The following ATP11C variants were observed in gnomAD, a reference collection of about 807,000 sequenced individuals.
ATP11C encodes the protein phospholipid-transporting ATPase IG.
A neutral mutation model predicts 97.4 loss-of-function variants in ATP11C; 36 were observed. The ratio of observed to expected loss-of-function variants is 0.37; its 90% CI spans 0.28 to 0.49. The LOEUF is 0.49. ATP11C is among the 20% of genes least tolerant of loss of function. The pLI is 0.98. For synonymous variants in ATP11C, 275 were observed against 290.9 expected, an observed-to-expected ratio of 0.95 and a Z score of 0.56; for missense variants, 730 against 824.6, an observed-to-expected ratio of 0.89 and a Z score of 1.40.
chrX:139,735,169 C>T (rs956871287), intron 28 of ATP11C, among the ~76,000 whole-genome samples: 1 of 111,741 alleles, frequency 8.9e-6, no homozygotes, highest in Admixed American at 9.5e-5. Context: ...ATAGTGGGCC[C>T]TCAGGCAAGG....
At chrX:139,786,144 C>T (rs2082568593) in intron 15 of ATP11C, among the ~76,000 whole-genome samples, 1 of 111,644 alleles carries the variant, frequency 9.0e-6, no homozygotes, top group Non-Finnish European at 1.9e-5. Context: ...CATGATGAGA[C>T]TGGTCAAATG....
intron 1 of ATP11C, among the ~76,000 whole-genome samples, chrX:139,906,917 C>T (rs2084989560): frequency 1.8e-5 from 2 of 111,443 alleles, no homozygotes; most frequent in African/African-American, 6.5e-5. Flanking sequence ...TGATAAGGTC[C>T]TAGACTCAAG....
intron 1 of ATP11C, among the ~76,000 whole-genome samples, chrX:139,903,360 G>C (rs1479297280): frequency 9.1e-6 from 1 of 109,857 alleles, no homozygotes; most frequent in East Asian, 2.9e-4. Flanking sequence ...TAGGTCTTAA[G>C]AGCCTTCCAT....
intron 1 of ATP11C, among the ~76,000 whole-genome samples, chrX:139,862,339 G>A (rs2084214139): frequency 9.0e-6 from 1 of 111,399 alleles, no homozygotes; most frequent in African/African-American, 3.3e-5. Context: ...GAGGTTCATG[G>A]GAACCTCAAC....
At chrX:139,870,827 C>T (rs1248313480) in intron 1 of ATP11C, among the ~76,000 whole-genome samples, 1 of 111,394 alleles carries the variant, frequency 9.0e-6, no homozygotes, top group Non-Finnish European at 1.9e-5. Flanking sequence ...GAGGCCGAGG[C>T]GGGTGGATCA....
chrX:139,768,449 C>G lies in ATP11C; in HGVS notation c.2217-15G>C, dbSNP rs759560122. The G allele has an allele frequency of 9.6e-7, 1 of 1,037,674 alleles. No individual in the cohort carries two copies. The allele number at this position is 1,037,674 out of a possible 1,213,427, so 85.5% of individuals were successfully genotyped here. The stretch of plus-strand genomic sequence containing the variant: ...CTGTCCATGCTCTGAAAAAGAGAAA[C>G]AATGCTATGTTTGGATTTATTACAG... On this transcript the variant is annotated splice_polypyrimidine_tract_variant and intron_variant, in intron 19 of 29. Transcript: ENST00000682941.
chrX:139,912,554 C>T (rs899382302), intron 1 of ATP11C, among the ~76,000 whole-genome samples: 1 of 111,189 alleles, frequency 9.0e-6, no homozygotes, highest in African/African-American at 3.3e-5. Context: ...GGCTACACTG[C>T]TCATTAGTAG....
At chrX:139,901,821 G>T (rs774324169) in intron 1 of ATP11C, among the ~76,000 whole-genome samples, 1 of 111,103 alleles carries the variant, frequency 9.0e-6, no homozygotes, top group Non-Finnish European at 1.9e-5. Context: ...TCTAAAACGG[G>T]GAGATAAAAG....
intron 28 of ATP11C, among the ~76,000 whole-genome samples, 195 bp from the exon 29 acceptor site, chrX:139,731,950 C>T (rs113652727): frequency 3.6e-5 from 4 of 111,665 alleles, no homozygotes; most frequent in African/African-American, 1.3e-4. Context: ...AAGAAAGTCT[C>T]CAACTCGAAT....
rs778785578 is a variant in ATP11C at position 139,761,916 on chromosome X, T to C, written c.2640+45A>G. 15 of 983,448 alleles carry C rather than the reference T, an allele frequency of 1.5e-5. No homozygotes were observed. In the South Asian group the frequency reaches 2.8e-4, roughly 19 times the overall value. The allele number at this position is 983,448 out of a possible 1,213,427, so 81.0% of individuals were successfully genotyped here. A position where few individuals can be genotyped will look rare whatever the true frequency, so the allele number is the denominator to read the frequency against. ...CAAAACCATGACCAAGCTGAGCCAA[T>C]GCTGGATTAAAAAGAAATTAAATTA... On this transcript the variant is annotated intron_variant, in intron 22 of 29. Coordinates refer to ENST00000682941, the MANE Select transcript of ATP11C (RefSeq NM_001353812.2).
At chrX:139,936,805 G>A (rs1015140584), upstream of ATP11C, among the ~76,000 whole-genome samples, 3 of 111,071 alleles carry the variant, frequency 2.7e-5, no homozygotes, top group African/African-American at 9.9e-5. Flanking sequence ...CTGTGACGAA[G>A]GAGCGCAAAC....
chrX:139,799,644 CTT>C (rs754371113), intron 8 of ATP11C, among the ~76,000 whole-genome samples: 1,182 of 60,192 alleles, frequency 0.02, 19 homozygotes, highest in African/African-American at 0.091. Flanking sequence ...CTTTATATTC[CTT>C]TTTTTTTTTT....
chrX:139,768,386 T>C lies in ATP11C; in HGVS notation c.2265A>G (p.Thr755=). ...QEYGLIIDGS[T]LSLILNSSQD... ...GACTAGAATTTAGTATGAGTGACAATGTGGAGCCATCTATGATTAATCCAT... is the reference window on the plus strand; with the variant it reads ...GACTAGAATTTAGTATGAGTGACAACGTGGAGCCATCTATGATTAATCCAT... Residue 755 remains threonine, a synonymous_variant, in exon 20 of 30, where the codon ACA becomes ACG. Transcript: ENST00000682941. 1.7e-6 allele frequency: 2 copies of C among 1,165,423 alleles called. No individual in the cohort carries two copies. The highest frequency in any genetic ancestry group is 1.8e-5 in the African/African-American group (1 of 56,814).
intron 1 of ATP11C, among the ~76,000 whole-genome samples, chrX:139,836,369 G>C (rs1378437350): frequency 9.1e-6 from 1 of 110,336 alleles, no homozygotes; most frequent in East Asian, 2.9e-4. Context: ...ACAAAAATTA[G>C]CCAGGAGTGG....
chrX:139,932,084 C>T lies in ATP11C; in HGVS notation c.-42G>A. The T allele has an allele frequency of 2.6e-6, 3 of 1,133,180 alleles. No individual in the cohort carries two copies. Among genetic ancestry groups the T allele is most frequent in the Non-Finnish European group, 3.5e-6 (3 of 852,612 alleles). The allele number at this position is 1,133,180 out of a possible 1,213,427, so 93.4% of individuals were successfully genotyped here. On this transcript the variant is annotated 5_prime_UTR_variant, in exon 1 of 30. Transcript: ENST00000682941. ...GGGCGCTGAGCTGGGCTCTACCGGG[C>T]TGTCTGGGAAGGCGCCGTCCACAAA... is the stretch of plus-strand genomic sequence containing the variant.
intron 8 of ATP11C, 44 bp downstream of exon 8, chrX:139,800,016 C>T (rs775104864): frequency 2.6e-5 from 11 of 428,279 alleles, no homozygotes; most frequent in African/African-American, 5.7e-5. Context: ...AAAATAGACC[C>T]CCCCCCCCAA....
chrX:139,728,948 T>C lies in ATP11C; in HGVS notation c.*18A>G. ...GCTTGTAGGACAATAACATAGGCAGTTCAAGATTCGGATTCTGAAAAATGT... is the reference window on the plus strand; with the variant it reads ...GCTTGTAGGACAATAACATAGGCAGCTCAAGATTCGGATTCTGAAAAATGT... On this transcript the variant is annotated 3_prime_UTR_variant, in exon 30 of 30. Transcript: ENST00000682941. 8.3e-7 allele frequency: 1 copy of C among 1,198,332 alleles called. No individual in the cohort carries two copies. Among genetic ancestry groups the C allele is most frequent in the Non-Finnish European group, 1.1e-6 (1 of 884,941 alleles).
At chrX:139,923,589 C>T (rs1056211484) in intron 1 of ATP11C, among the ~76,000 whole-genome samples, 1 of 112,207 alleles carries the variant, frequency 8.9e-6, no homozygotes, top group Non-Finnish European at 1.9e-5. Flanking sequence ...GTACACTATA[C>T]TATAGATCCC....
In ATP11C at chrX:139,918,845, A is replaced by T. The variant is rs186088132; in HGVS notation, c.27+13171T>A. ...ATGGAGTTTCAGTTTTGCAAGATGA[A>T]AAAGTTCTAGAGATCTGTTGCATAC... On this transcript the variant is annotated intron_variant, in intron 1 of 29. Coordinates refer to ENST00000682941, the MANE Select transcript of ATP11C (RefSeq NM_001353812.2). 9.3e-3 allele frequency among the ~76,000 whole-genome samples: 1,032 copies of T among 111,209 alleles called. 11 individuals are homozygous for T. Among genetic ancestry groups the T allele is most frequent in the African/African-American group, 0.032 (982 of 30,499 alleles).
Sources: allele counts gnomAD v4.1 joint callset (sites outside exome capture counted in the v4.1 genomes callset), GRCh38; gene constraint gnomAD v4.1.1; transcripts MANE v1.5; gene names NCBI Gene and HGNC (gene_info 2026-07-23, HGNC 2026-07-21).